Variants in PRKAG2 observed in about 807,000 individuals in gnomAD.
The protein encoded by PRKAG2 is protein kinase AMP-activated non-catalytic subunit gamma 2, also known as 5'-AMP-activated protein kinase subunit gamma-2.
In PRKAG2, 26 loss-of-function variants were observed where a neutral mutation model predicts 69.6. The observed-to-expected ratio is 0.37, with a 90% CI of 0.27 to 0.52. The LOEUF (loss-of-function observed/expected upper bound fraction) is 0.52. Ranked by LOEUF, PRKAG2 falls within the 20% of genes least tolerant of loss-of-function variation. PRKAG2 has a pLI of 0.90. For synonymous variants in PRKAG2, 293 were observed against 285.0 expected, an observed-to-expected ratio of 1.03 and a Z score of -0.28; for missense variants, 557 against 740.0, an observed-to-expected ratio of 0.75 and a Z score of 2.87.
chr7:151,610,664 G>A lies in PRKAG2; in HGVS notation c.755-15210C>T, dbSNP rs554558317. ...TGCACTCCAGCCTGGGGGACAGAGCGAGACTCCATCTCAAAAACAAAAAAC... is the reference window on the plus strand; with the variant it reads ...TGCACTCCAGCCTGGGGGACAGAGCAAGACTCCATCTCAAAAACAAAAAAC... On this transcript the variant is annotated intron_variant, in intron 5 of 15. Transcript: ENST00000287878. 2.6e-5 allele frequency among the ~76,000 whole-genome samples: 4 copies of A among 151,472 alleles called. No individual in the cohort carries two copies. The East Asian group carries it at 5.9e-4, about 22-fold the overall frequency.
At chr7:151,639,942 C>T (rs760636668) in intron 4 of PRKAG2, among the ~76,000 whole-genome samples, 2 of 152,124 alleles carry the variant, frequency 1.3e-5, no homozygotes, top group Non-Finnish European at 2.9e-5. Context: ...TACCTCCATC[C>T]GTTTCTATCA....
At chr7:151,737,740 G>A (rs1222902689) in intron 3 of PRKAG2, among the ~76,000 whole-genome samples, 1 of 152,194 alleles carries the variant, frequency 6.6e-6, no homozygotes, top group Non-Finnish European at 1.5e-5. Flanking sequence ...CAGTGCCACT[G>A]GAGTTGTTGG....
In PRKAG2 at chr7:151,814,846, T is replaced by C; in HGVS notation, c.115-28305A>G. The C allele has an allele frequency of 8.1e-7, 1 of 1,231,734 alleles. No homozygotes were observed. Among genetic ancestry groups the C allele is most frequent in the East Asian group, 3.2e-5 (1 of 31,694 alleles). 76.3% of individuals were successfully genotyped at this position (1,231,734 alleles called of 1,614,324 possible). On this transcript the variant is annotated intron_variant, in intron 1 of 15. Transcript: ENST00000287878. This position sits in a 1 kb window ranked among gnomAD's most constrained non-coding sequence, Gnocchi z 4.8. The stretch of plus-strand genomic sequence containing the variant: ...TGCAGCAAACTGTCATTCCCACCTG[T>C]GTCAGGCGCTGCTGGGGAGGAAACT...
chr7:151,773,023 A>AAGAAAGAAAGAAAGAG (rs1563639223), intron 3 of PRKAG2, among the ~76,000 whole-genome samples: 4 of 55,054 alleles, frequency 7.3e-5, no homozygotes, highest in Admixed American at 3.4e-4. Flanking sequence ...GAAAGAAAGA[A>AAGAAAGAAAGAAAGAG]AGAGAGAGAG....
At chr7:151,875,385 A>T (rs905796457) in intron 1 of PRKAG2, among the ~76,000 whole-genome samples, 1 of 152,154 alleles carries the variant, frequency 6.6e-6, no homozygotes, top group Admixed American at 6.5e-5. Flanking sequence ...CTCAGCAAAC[A>T]CGGGGCAGTG....
intron 6 of PRKAG2, among the ~76,000 whole-genome samples, chr7:151,585,624 A>C (rs1350337323): frequency 6.6e-6 from 1 of 152,256 alleles, no homozygotes; most frequent in East Asian, 1.9e-4. Flanking sequence ...CCTATGTATA[A>C]ATTTTGCCTA....
At position 151,800,399 on chromosome 7, in the gene PRKAG2, G is replaced by A. The variant is rs147588587; in HGVS notation, c.115-13858C>T. Among the ~76,000 whole-genome samples the A allele has an allele frequency of 9.3e-4, 140 of 150,256 alleles. 4 individuals are homozygous for A. The highest frequency in any genetic ancestry group is 1.7e-3 in the South Asian group (8 of 4,766). Reference sequence around the variant, plus strand: ...AGAAAGTCGCCTCCCATCTCTGGTCGTCAGTTTCCTCCTCTGAGACAGGAG... The same window carrying A: ...AGAAAGTCGCCTCCCATCTCTGGTCATCAGTTTCCTCCTCTGAGACAGGAG... On this transcript the variant is annotated intron_variant, in intron 1 of 15. Transcript: ENST00000287878.
At chr7:151,626,673 TGA>T (rs1019277512) in intron 5 of PRKAG2, among the ~76,000 whole-genome samples, 1 of 152,058 alleles carries the variant, frequency 6.6e-6, no homozygotes, top group Non-Finnish European at 1.5e-5. Flanking sequence ...CGCTTGGCTG[TGA>T]GAGTCAAGGG....
At chr7:151,584,937 C>T (rs754964521) in intron 6 of PRKAG2, among the ~76,000 whole-genome samples, 92 of 151,914 alleles carry the variant, frequency 6.1e-4, no homozygotes, top group Non-Finnish European at 1.1e-3. Context: ...AAAGAAACAA[C>T]GCAAGGACCA....
chr7:151,873,817 C>G (rs371599211), intron 1 of PRKAG2, among the ~76,000 whole-genome samples: 3 of 152,158 alleles, frequency 2.0e-5, no homozygotes, highest in Non-Finnish European at 4.4e-5. Flanking sequence ...CACCACCCCA[C>G]GGGCACGCCC....
chr7:151,813,310 A>G (rs1024004307), intron 1 of PRKAG2, among the ~76,000 whole-genome samples: 1 of 152,026 alleles, frequency 6.6e-6, no homozygotes, highest in African/African-American at 2.4e-5. Context: ...GCCTTCTTCA[A>G]TTGTTTACTA....
At chr7:151,631,857 G>T in intron 5 of PRKAG2, 1 of 494,840 alleles carries the variant, frequency 2.0e-6, no homozygotes, top group Admixed American at 2.4e-5. Flanking sequence ...AGCCTGGCTC[G>T]CGTCCCCTCC....
chr7:151,798,892 T>G (rs1287975170), intron 1 of PRKAG2, among the ~76,000 whole-genome samples: 1 of 151,956 alleles, frequency 6.6e-6, no homozygotes, highest in Non-Finnish European at 1.5e-5. Context: ...GTGTGGTGAT[T>G]CCCTCCCTCC....
intron 4 of PRKAG2, among the ~76,000 whole-genome samples, chr7:151,674,006 T>C (rs867101006): frequency 7.3e-5 from 11 of 151,722 alleles, no homozygotes; most frequent in South Asian, 4.1e-4. Flanking sequence ...CACGCCAAGA[T>C]AATTTTTTGT....
At chr7:151,709,647 GAT>G (rs549353018) in intron 3 of PRKAG2, among the ~76,000 whole-genome samples, 33 of 152,028 alleles carry the variant, frequency 2.2e-4, no homozygotes, top group African/African-American at 7.2e-4. Context: ...TCAGTGACAT[GAT>G]ATATGTGACA....
chr7:151,796,730 G>C (rs1262723522), intron 1 of PRKAG2, among the ~76,000 whole-genome samples: 1 of 152,186 alleles, frequency 6.6e-6, no homozygotes, highest in African/African-American at 2.4e-5. Flanking sequence ...TCGCAGAGCT[G>C]ACACGGGGAG....
At chr7:151,709,552 CTTTGATA>C (rs560820063) in intron 3 of PRKAG2, among the ~76,000 whole-genome samples, 115 of 152,152 alleles carry the variant, frequency 7.6e-4, no homozygotes, top group African/African-American at 2.7e-3. Flanking sequence ...CATTGAGTGA[CTTTGATA>C]TTTGTGACAT....
At chr7:151,729,790 C>G (rs1018812500) in intron 3 of PRKAG2, among the ~76,000 whole-genome samples, 1 of 152,138 alleles carries the variant, frequency 6.6e-6, no homozygotes, top group Admixed American at 6.5e-5. Context: ...CTCCAGCTCT[C>G]GGAAGGGTCT....
In PRKAG2 at chr7:151,624,731, G is replaced by A. The variant is rs754698322; in HGVS notation, c.754+7338C>T. Among the ~76,000 whole-genome samples the A allele has an allele frequency of 1.4e-4, 22 of 152,262 alleles. 1 individual carries two copies. The highest frequency in any genetic ancestry group is 3.9e-4 in the East Asian group (2 of 5,176). On this transcript the variant is annotated intron_variant, in intron 5 of 15. Coordinates refer to ENST00000287878, the MANE Select transcript of PRKAG2 (RefSeq NM_016203.4). The stretch of plus-strand genomic sequence containing the variant: ...GTCACAAGCCCTGATGTCACCCACC[G>A]TCGGGTGGAGAAGCCTTTCACACCT...
Sources: allele counts gnomAD v4.1 joint callset (sites outside exome capture counted in the v4.1 genomes callset), GRCh38; gene constraint gnomAD v4.1.1; non-coding constraint Gnocchi (gnomAD v3.1); transcripts MANE v1.5; gene names NCBI Gene and HGNC (gene_info 2026-07-23, HGNC 2026-07-21).